The following PAX8 variants were observed in gnomAD, a reference collection of about 807,000 sequenced individuals.
PAX8 encodes the protein paired box 8.
A neutral mutation model predicts 52.4 loss-of-function variants in PAX8; 15 were observed. The ratio of observed to expected loss-of-function variants is 0.29; its 90% CI spans 0.19 to 0.44. The LOEUF is 0.44. Ranked by LOEUF, PAX8 falls within the 20% of genes least tolerant of loss-of-function variation. The pLI, the probability that PAX8 is intolerant of heterozygous loss-of-function variation, is 1.00. For synonymous variants in PAX8, 284 were observed against 249.7 expected, an observed-to-expected ratio of 1.14 and a Z score of -1.29; for missense variants, 554 against 602.5, an observed-to-expected ratio of 0.92 and a Z score of 0.84.
chr2:113,237,561 G>T (rs1690466687), intron 7 of PAX8: 1 of 152,182 alleles, frequency 6.6e-6, no homozygotes, highest in African/African-American at 2.4e-5. Context: ...AACACTCTTT[G>T]TCAAGTACCT....
intron 2 of PAX8, among the ~76,000 whole-genome samples, chr2:113,250,380 G>C (rs1255169765): frequency 2.6e-5 from 4 of 152,136 alleles, no homozygotes; most frequent in Non-Finnish European, 5.9e-5. Flanking sequence ...TCCCATGGTT[G>C]AATGTTATGA....
At chr2:113,248,628 A>C (rs1691512518) in intron 2 of PAX8, among the ~76,000 whole-genome samples, 1 of 152,144 alleles carries the variant, frequency 6.6e-6, no homozygotes, top group Non-Finnish European at 1.5e-5. Context: ...TCAGGGGCCC[A>C]AGCTGTCTTC....
intron 10 of PAX8, among the ~76,000 whole-genome samples, chr2:113,221,547 A>G (rs1035610949): frequency 2.0e-5 from 3 of 152,210 alleles, no homozygotes; most frequent in Non-Finnish European, 2.9e-5. Flanking sequence ...AATTATCCCT[A>G]TCTCATTTGG....
rs1465570373 is a variant in PAX8, at chr2:113,278,882, C to A, written c.-127G>T. 7 of 1,056,636 alleles carry A rather than the reference C, an allele frequency of 6.6e-6. No individual in the cohort carries two copies. Among genetic ancestry groups the A allele is most frequent in the African/African-American group, 1.7e-5 (1 of 60,088 alleles). The allele number at this position is 1,056,636 out of a possible 1,614,324, so 65.5% of individuals were successfully genotyped here. On this transcript the variant is annotated 5_prime_UTR_variant, in exon 1 of 12. Coordinates refer to ENST00000429538, the MANE Select transcript of PAX8 (RefSeq NM_003466.4). ...TGCTTGGGTCCGCCCGCGAGGGTGC[C>A]CTGGGCCCGGTGTCTCTCCTCCTTC...
chr2:113,227,785 C>T (rs539157071), intron 9 of PAX8, among the ~76,000 whole-genome samples: 154 of 152,268 alleles, frequency 1.0e-3, no homozygotes, highest in Admixed American at 2.7e-3. Context: ...CTGTGACAGA[C>T]ATTGCTAATC....
intron 10 of PAX8, among the ~76,000 whole-genome samples, chr2:113,222,534 C>T (rs901485557): frequency 5.9e-5 from 9 of 152,174 alleles, no homozygotes; most frequent in Non-Finnish European, 1.0e-4. Flanking sequence ...GCAGATGAAA[C>T]GTCTCTGCCC....
chr2:113,221,730 G>A (rs1230911903), intron 10 of PAX8, among the ~76,000 whole-genome samples: 1 of 152,164 alleles, frequency 6.6e-6, no homozygotes, highest in Non-Finnish European at 1.5e-5. Flanking sequence ...GGCCTGGGTT[G>A]GGGTTAGTGG....
At position 113,217,464 on chromosome 2, in the gene PAX8, T is replaced by G. The variant is rs1187483256; in HGVS notation, c.*1069A>C. 1.7e-5 allele frequency: 4 copies of G among 229,316 alleles called. No homozygotes were observed. Among genetic ancestry groups the G allele is most frequent in the African/African-American group, 8.9e-5 (4 of 45,020 alleles). 14.2% of individuals were successfully genotyped at this position (229,316 alleles called of 1,614,324 possible). On this transcript the variant is annotated 3_prime_UTR_variant, in exon 12 of 12. Coordinates refer to ENST00000429538, the MANE Select transcript of PAX8 (RefSeq NM_003466.4). ...GCCCCACAGGGCAAAGAGAGACATTTCACTCAGAGGCCAAAGTCTGGGGGT... is the reference window on the plus strand; with the variant it reads ...GCCCCACAGGGCAAAGAGAGACATTGCACTCAGAGGCCAAAGTCTGGGGGT...
intron 2 of PAX8, among the ~76,000 whole-genome samples, chr2:113,262,371 AGGG>A (rs1363555166): frequency 6.6e-6 from 1 of 151,976 alleles, no homozygotes; most frequent in Non-Finnish European, 1.5e-5. Flanking sequence ...CTGGCTTGGG[AGGG>A]GGAGTCCCCT....
chr2:113,235,300 G>C, intron 9 of PAX8, 94 bp downstream of exon 9: 1 of 1,077,776 alleles, frequency 9.3e-7, no homozygotes, highest in Non-Finnish European at 1.3e-6. Context: ...GGGTGGATGA[G>C]ACTGAGGCCA....
intron 7 of PAX8, chr2:113,237,010 G>A: frequency 2.1e-6 from 1 of 472,352 alleles, no homozygotes; most frequent in Middle Eastern, 5.7e-4. Context: ...TCGGCTTCCT[G>A]GTTTCACCAC....
chr2:113,277,328 G>T (rs1693890865), intron 2 of PAX8, among the ~76,000 whole-genome samples: 1 of 152,260 alleles, frequency 6.6e-6, no homozygotes, highest in Admixed American at 6.5e-5. Context: ...GCGCCGCAGA[G>T]CCCGGGCCCC....
chr2:113,222,715 CCT>C (rs371416446), intron 10 of PAX8, among the ~76,000 whole-genome samples: 1 of 152,242 alleles, frequency 6.6e-6, no homozygotes, highest in East Asian at 1.9e-4. Context: ...TCCCCACATT[CCT>C]CTCTAGCTAC....
At position 113,242,137 on chromosome 2, in the gene PAX8, T is replaced by C. The variant is rs745707968; in HGVS notation, c.479-7A>G. 77 of 1,602,838 alleles carry C rather than the reference T, an allele frequency of 4.8e-5. No homozygotes were observed. The highest frequency in any genetic ancestry group is 6.1e-5 in the Non-Finnish European group (72 of 1,174,390). On this transcript the variant is annotated splice_polypyrimidine_tract_variant and splice_region_variant and intron_variant, in intron 5 of 11. Transcript: ENST00000429538. ...GTTACAGCTGAGCTGGGGACTGCAG[T>C]GGGGGAGAGGGAGAGGGTCAGGGGT...
intron 2 of PAX8, chr2:113,271,918 T>A (rs1693485701): frequency 6.6e-6 from 1 of 151,950 alleles, no homozygotes; most frequent in African/African-American, 2.4e-5. Context: ...CCTGTGGCAG[T>A]CCTCAGAGAG....
chr2:113,262,349 CTT>C (rs1486287399), intron 2 of PAX8, among the ~76,000 whole-genome samples: 2 of 152,092 alleles, frequency 1.3e-5, no homozygotes, highest in Admixed American at 6.5e-5. Context: ...TTCAGGCTCT[CTT>C]TGGGGGATTC....
chr2:113,259,789 C>T (rs1014041529), intron 2 of PAX8, among the ~76,000 whole-genome samples: 1 of 152,224 alleles, frequency 6.6e-6, no homozygotes, highest in Non-Finnish European at 1.5e-5. Context: ...AGAGGTCATT[C>T]TTCCCAGATC....
At chr2:113,232,704 G>A (rs906375811) in intron 9 of PAX8, among the ~76,000 whole-genome samples, 2 of 152,152 alleles carry the variant, frequency 1.3e-5, no homozygotes, top group African/African-American at 4.8e-5. Context: ...AGGATGACAG[G>A]GAGGGGACAA....
In PAX8 at chr2:113,220,147, G is replaced by T; in HGVS notation, c.1221C>A (p.His407Gln). The T allele has an allele frequency of 6.2e-7, 1 of 1,614,012 alleles. No homozygotes were observed. The highest frequency in any genetic ancestry group is 8.5e-7 in the Non-Finnish European group (1 of 1,179,936). Residue 407 changes from histidine to glutamine, a missense_variant, in exon 11 of 12, where the codon CAC (histidine) becomes CAA (glutamine). His to Gln is a conservative substitution (Grantham distance 24). Around this residue, in one of 2 missense-constraint regions of PAX8, gnomAD observed 445 missense variants for 409.9 expected, o/e 1.09. Transcript: ENST00000429538. Reference sequence around the variant, plus strand: ...CCTCGCTGTAGGAGGAGTAGGGGGTGTGGCCATAGGCATTGCCAGAGTATT... The same window carrying T: ...CCTCGCTGTAGGAGGAGTAGGGGGTTTGGCCATAGGCATTGCCAGAGTATT... ...GSEYSGNAYG[H>Q]TPYSSYSEAW...
Sources: gnomAD v4.1 joint callset for allele counts (sites outside exome capture counted in the v4.1 genomes callset) on GRCh38, gnomAD v4.1.1 for gene constraint, gnomAD v4.1.1 regional missense constraint, MANE v1.5 for transcripts, NCBI Gene and HGNC (gene_info 2026-07-23, HGNC 2026-07-21) for gene names.